Variants in STXBP5L observed in about 807,000 individuals in gnomAD.
STXBP5L encodes syntaxin binding protein 5L.
In STXBP5L, 65 loss-of-function variants were observed where a neutral mutation model predicts 144.5. The observed-to-expected ratio is 0.45, with a 90% CI of 0.37 to 0.55. STXBP5L has a LOEUF of 0.55. Among genes scored for constraint, STXBP5L ranks in the 20% least tolerant of loss-of-function variants. STXBP5L has a pLI of 0.00. For missense variants in STXBP5L, 1,298 were observed against 1,405.5 expected, an observed-to-expected ratio of 0.92 and a Z score of 1.22; for synonymous variants, 505 against 469.6, an observed-to-expected ratio of 1.08 and a Z score of -0.97.
At chr3:121,183,214 T>G (rs2047229204) in intron 9 of STXBP5L, among the ~76,000 whole-genome samples, 1 of 152,110 alleles carries the variant, frequency 6.6e-6, no homozygotes. Context: ...ATGAAAGCAT[T>G]CGCCCTGAAA....
intron 19 of STXBP5L, among the ~76,000 whole-genome samples, chr3:121,300,828 C>CA (rs1449766296): frequency 2.0e-5 from 3 of 151,208 alleles, no homozygotes; most frequent in Admixed American, 2.0e-4. Context: ...GTACACATTC[C>CA]AAAAAAAGAA....
intron 3 of STXBP5L, among the ~76,000 whole-genome samples, chr3:120,986,614 C>G (rs1028494875): frequency 1.3e-5 from 2 of 151,768 alleles, no homozygotes; most frequent in African/African-American, 4.8e-5. Flanking sequence ...CTCTTGTAAC[C>G]TTTTTACATT....
chr3:121,192,113 C>A (rs781521581), intron 9 of STXBP5L, among the ~76,000 whole-genome samples: 2 of 152,096 alleles, frequency 1.3e-5, no homozygotes, highest in Admixed American at 6.5e-5. Flanking sequence ...AGCTGATAAG[C>A]AAATTCAGCA....
At chr3:121,294,324 T>C (rs769785634) in intron 19 of STXBP5L, among the ~76,000 whole-genome samples, 20 of 152,236 alleles carry the variant, frequency 1.3e-4, no homozygotes, top group Non-Finnish European at 2.4e-4. Context: ...CAAAGATTAT[T>C]CCCAGATTTT....
rs141941543 is a variant in STXBP5L, at chr3:120,929,355, T to C, written c.189+19588T>C. Among the ~76,000 whole-genome samples, 4 of 152,312 alleles carry C rather than the reference T, an allele frequency of 2.6e-5. No individual in the cohort carries two copies. The East Asian group carries it at 7.7e-4, about 29-fold the overall frequency. ...TATGTAGTTTAGTAATTGTATATTA[T>C]ATTGTATAGTCAGTCTCTTGGTTAT... On this transcript the variant is annotated intron_variant, in intron 2 of 26. Coordinates refer to ENST00000471454, the MANE Select transcript of STXBP5L (RefSeq NM_001308330.2).
rs533687600 is a variant in STXBP5L, at chr3:121,096,083, G to T, written c.471-18842G>T. 9.7e-4 allele frequency among the ~76,000 whole-genome samples: 147 copies of T among 151,382 alleles called. 1 individual carries two copies. Among genetic ancestry groups the T allele is most frequent in the African/African-American group, 3.1e-3 (129 of 41,104 alleles). On this transcript the variant is annotated intron_variant, in intron 5 of 26. Transcript: ENST00000471454. ...GATGCCTCACCTTGCTTCGGCTCTT[G>T]CTTGGTGGGCTGTACCCACTATCCT...
At chr3:121,298,504 A>G (rs897152931) in intron 19 of STXBP5L, among the ~76,000 whole-genome samples, 2 of 152,204 alleles carry the variant, frequency 1.3e-5, no homozygotes, top group African/African-American at 4.8e-5. Flanking sequence ...AAGCTTCTAC[A>G]CAACCTAAAT....
chr3:121,131,669 G>C (rs920111593), intron 7 of STXBP5L, among the ~76,000 whole-genome samples: 1 of 152,094 alleles, frequency 6.6e-6, no homozygotes, highest in Non-Finnish European at 1.5e-5. Flanking sequence ...TTTTTATGAA[G>C]CAATTATAAG....
At chr3:121,287,425 T>G (rs2051268376) in intron 19 of STXBP5L, among the ~76,000 whole-genome samples, 2 of 150,154 alleles carry the variant, frequency 1.3e-5, no homozygotes, top group Admixed American at 6.7e-5. Context: ...AAAATTCCAT[T>G]GTATTTCTAT....
At chr3:121,356,415 G>A (rs181895586) in intron 20 of STXBP5L, among the ~76,000 whole-genome samples, 1 of 152,332 alleles carries the variant, frequency 6.6e-6, no homozygotes, top group Admixed American at 6.5e-5. Flanking sequence ...CCCTCCCCAA[G>A]CCAGGCTGCC....
intron 5 of STXBP5L, among the ~76,000 whole-genome samples, chr3:121,079,802 G>A (rs2042175860): frequency 6.6e-6 from 1 of 152,196 alleles, no homozygotes; most frequent in Non-Finnish European, 1.5e-5. Flanking sequence ...TTATGCAGTT[G>A]TTGGGAAGAA....
intron 5 of STXBP5L, among the ~76,000 whole-genome samples, chr3:121,090,223 G>A (rs1188089138): frequency 1.3e-5 from 2 of 152,112 alleles, no homozygotes; most frequent in Non-Finnish European, 2.9e-5. Context: ...TGGTCTGGCA[G>A]GGGAAGGTCA....
chr3:120,965,424 C>G (rs989521415), intron 3 of STXBP5L, among the ~76,000 whole-genome samples: 3 of 152,138 alleles, frequency 2.0e-5, no homozygotes, highest in Admixed American at 1.3e-4. Context: ...CTGGTTGTTT[C>G]TTTCTATGTT....
At chr3:121,001,762 A>G (rs1243645927) in intron 3 of STXBP5L, among the ~76,000 whole-genome samples, 2 of 152,228 alleles carry the variant, frequency 1.3e-5, no homozygotes, top group Admixed American at 6.5e-5. Flanking sequence ...CAGATTCTGC[A>G]TTCTCTGTCC....
intron 5 of STXBP5L, among the ~76,000 whole-genome samples, chr3:121,054,641 A>G (rs935112675): frequency 1.1e-4 from 17 of 151,078 alleles, no homozygotes; most frequent in African/African-American, 3.2e-4. Flanking sequence ...CTAATGGTAA[A>G]TGACGAGTTA....
chr3:121,291,150 C>T (rs569095946), intron 19 of STXBP5L, among the ~76,000 whole-genome samples: 2 of 151,898 alleles, frequency 1.3e-5, no homozygotes, highest in South Asian at 4.2e-4. Context: ...CCTAGAATAC[C>T]CTAAAGACAC....
intron 7 of STXBP5L, among the ~76,000 whole-genome samples, chr3:121,148,789 G>A (rs542299553): frequency 6.6e-6 from 1 of 152,160 alleles, no homozygotes; most frequent in Admixed American, 6.6e-5. Flanking sequence ...ATGCATATAT[G>A]TATTTACCAA....
intron 19 of STXBP5L, among the ~76,000 whole-genome samples, chr3:121,285,281 A>T (rs1164022880): frequency 6.6e-6 from 1 of 152,064 alleles, no homozygotes; most frequent in Non-Finnish European, 1.5e-5. Flanking sequence ...AAGTTGAAAA[A>T]AATGAAATTA....
At chr3:121,232,964 C>G (rs2049355271) in intron 11 of STXBP5L, among the ~76,000 whole-genome samples, 1 of 152,060 alleles carries the variant, frequency 6.6e-6, no homozygotes, top group African/African-American at 2.4e-5. Context: ...ATTTTAGTCC[C>G]TGTTCCTTGT....
Sources: gnomAD v4.1 joint callset for allele counts (sites outside exome capture counted in the v4.1 genomes callset) on GRCh38, gnomAD v4.1.1 for gene constraint, MANE v1.5 for transcripts, NCBI Gene and HGNC (gene_info 2026-07-23, HGNC 2026-07-21) for gene names.